The following GPR155 variants were observed in gnomAD, a reference collection of about 807,000 sequenced individuals.
The protein encoded by GPR155 is G protein-coupled receptor 155, also known as lysosomal cholesterol signaling protein.
Under a neutral mutation model 93.1 loss-of-function variants are expected in GPR155, and 65 were observed. That is an observed-to-expected ratio of 0.70 (90% CI 0.57 to 0.86). The LOEUF (loss-of-function observed/expected upper bound fraction) is 0.86, where lower values mean the gene tolerates loss of function less well. Ranked by LOEUF, GPR155 falls within the 40% of genes least tolerant of loss-of-function variation. The pLI, the probability that GPR155 is intolerant of heterozygous loss-of-function variation, is 0.00. For missense variants in GPR155, 838 were observed against 1,034.8 expected, an observed-to-expected ratio of 0.81 and a Z score of 2.61; for synonymous variants, 319 against 360.1, an observed-to-expected ratio of 0.89 and a Z score of 1.29.
At chr2:174,466,719 C>T (rs1453400417) in intron 5 of GPR155, 92 bp from the exon 6 acceptor site, 1 of 680,774 alleles carries the variant, frequency 1.5e-6, no homozygotes. Flanking sequence ...TTAAATAACC[C>T]TCTTTGTCCT....
chr2:174,475,120 C>T (rs1688120180), intron 2 of GPR155, among the ~76,000 whole-genome samples: 1 of 150,136 alleles, frequency 6.7e-6, no homozygotes, highest in Admixed American at 6.6e-5. Context: ...ATGGTGAAAC[C>T]CCGTCTCTAC....
rs548838097 is a variant in GPR155 at position 174,432,648 on chromosome 2, A to G, written c.*3468T>C. The G allele has an allele frequency of 3.3e-5, 5 of 152,262 alleles. No homozygotes were observed. In the South Asian group the frequency reaches 1.0e-3, roughly 32 times the overall value. The allele number at this position is 152,262 out of a possible 1,614,324, so 9.4% of individuals were successfully genotyped here. On this transcript the variant is annotated 3_prime_UTR_variant, in exon 16 of 16. Coordinates refer to ENST00000392552, the MANE Select transcript of GPR155 (RefSeq NM_152529.7). ...AAAAGGAAAGTTCCGCAGCAAGACA[A>G]TTCAGCTTAAAAACATCCCCATTCC...
intron 11 of GPR155, among the ~76,000 whole-genome samples, chr2:174,447,649 A>G (rs1319121969): frequency 6.8e-6 from 1 of 146,244 alleles, no homozygotes; most frequent in African/African-American, 2.5e-5. Context: ...TTAAATATAT[A>G]ATATATATTA....
intron 13 of GPR155, among the ~76,000 whole-genome samples, chr2:174,444,729 C>T (rs1417134741): frequency 6.6e-6 from 1 of 151,990 alleles, no homozygotes; most frequent in Non-Finnish European, 1.5e-5. Context: ...CTCCTGGCCT[C>T]AAGTGACCTG....
intron 11 of GPR155, among the ~76,000 whole-genome samples, chr2:174,452,371 A>G (rs1559103936): frequency 6.6e-6 from 1 of 152,244 alleles, no homozygotes; most frequent in Non-Finnish European, 1.5e-5. Flanking sequence ...ATGACCATTT[A>G]CTATGTATAC....
chr2:174,471,394 C>CAA (rs1156941389), intron 3 of GPR155, among the ~76,000 whole-genome samples: 20 of 43,308 alleles, frequency 4.6e-4, no homozygotes, highest in African/African-American at 8.2e-4. Context: ...GACTCTGTCT[C>CAA]AAAAAAAAAA....
At chr2:174,462,026 C>T (rs1687711711) in intron 7 of GPR155, among the ~76,000 whole-genome samples, 1 of 152,060 alleles carries the variant, frequency 6.6e-6, no homozygotes. Context: ...GCCTTGACCT[C>T]CAGGGTTCAA....
intron 15 of GPR155, among the ~76,000 whole-genome samples, chr2:174,436,806 CTAAA>C (rs567608444): frequency 0.01 from 1,571 of 152,282 alleles, 9 homozygotes; most frequent in Non-Finnish European, 0.018. Context: ...GTCAGGAACA[CTAAA>C]TATTTTTCAC....
chr2:174,460,084 A>T lies in GPR155; in HGVS notation c.1565T>A (p.Ile522Asn). 1 of 1,609,662 alleles carries T rather than the reference A, an allele frequency of 6.2e-7. No homozygotes were observed. ...SAFFYGKEQM[I>N]TTAVTLFCSI... ...GCAGAACAGGGTGACTGCTGTGGTG[A>T]TCATCTGCCGACATGAAAAAAAGAT... is the stretch of plus-strand genomic sequence containing the variant. The change falls in exon 10 of 16, where the codon ATC becomes AAC. Residue 522 changes from isoleucine to asparagine, a missense_variant. By Grantham distance (149) the Ile-to-Asn change is moderately radical (BLOSUM62 -3). Coordinates refer to ENST00000392552, the MANE Select transcript of GPR155 (RefSeq NM_152529.7).
chr2:174,476,723 A>G (rs1688177713), intron 2 of GPR155, among the ~76,000 whole-genome samples: 1 of 152,236 alleles, frequency 6.6e-6, no homozygotes, highest in South Asian at 2.1e-4. Context: ...AGCCAGTTTA[A>G]TAACAGTTAA....
At position 174,481,944 on chromosome 2, in the gene GPR155, A is replaced by C; in HGVS notation, c.13T>G (p.Leu5Val). 1 of 1,607,684 alleles carries C rather than the reference A, an allele frequency of 6.2e-7. No individual in the cohort carries two copies. Residue 5 changes from leucine to valine, a missense_variant, in exon 2 of 16, where the codon TTA (leucine) becomes GTA (valine). This residue lies in a region of GPR155 where 663 missense variants were observed against 790.1 expected (regional missense o/e 0.84). Coordinates refer to ENST00000392552, the MANE Select transcript of GPR155 (RefSeq NM_152529.7). MNSN[L>V]PAENLTIAVN... Reference sequence around the variant, plus strand: ...GCAATGGTTAAGTTCTCTGCAGGTAAATTAGAATTCATTTTCTCTCACCCT... The same window carrying C: ...GCAATGGTTAAGTTCTCTGCAGGTACATTAGAATTCATTTTCTCTCACCCT...
rs754909456 is a variant in GPR155 at position 174,439,977 on chromosome 2, C to T, written c.2233G>A (p.Glu745Lys). 107 of 1,611,112 alleles carry T rather than the reference C, an allele frequency of 6.6e-5. No homozygotes were observed. The highest frequency in any genetic ancestry group is 9.0e-5 in the Non-Finnish European group (106 of 1,177,704). The stretch of plus-strand genomic sequence containing the variant: ...TGTTGACAGGTCATTTTTATTTCCT[C>T]TGAAACAGGAGAATCCCTGTTTTCT... ...TAENRDSPVS[E>K]EIKMTCQQFI... The change falls in exon 15 of 16, where the codon GAG (glutamate) becomes AAG (lysine). Residue 745 changes from glutamate to lysine, a missense_variant. Physicochemically the swap from Glu to Lys is moderately conservative, Grantham distance 56. Coordinates refer to ENST00000392552, the MANE Select transcript of GPR155 (RefSeq NM_152529.7).
At chr2:174,436,861 CTTTATT>C (rs975100092) in intron 15 of GPR155, among the ~76,000 whole-genome samples, 33 of 152,156 alleles carry the variant, frequency 2.2e-4, no homozygotes, top group African/African-American at 7.0e-4. Flanking sequence ...TCAAATCAAA[CTTTATT>C]TTTAGCTCCA....
chr2:174,485,221 T>C (rs1042831492), intron 1 of GPR155, among the ~76,000 whole-genome samples: 1 of 152,212 alleles, frequency 6.6e-6, no homozygotes, highest in Non-Finnish European at 1.5e-5. Context: ...TCTTCATTTT[T>C]CTCAGGGTGA....
chr2:174,449,224 AAAC>A (rs1239551424), intron 11 of GPR155, among the ~76,000 whole-genome samples: 7 of 152,328 alleles, frequency 4.6e-5, no homozygotes, highest in Non-Finnish European at 7.3e-5. Flanking sequence ...AAAAATCAAT[AAAC>A]AACAGATGCT....
At chr2:174,485,479 C>T (rs1337503063) in intron 1 of GPR155, among the ~76,000 whole-genome samples, 4 of 151,926 alleles carry the variant, frequency 2.6e-5, no homozygotes, top group Non-Finnish European at 4.4e-5. Flanking sequence ...TGCCTGTAAT[C>T]CCAGCTACTC....
At chr2:174,470,803 A>G (rs1687974044) in intron 3 of GPR155, among the ~76,000 whole-genome samples, 1 of 152,216 alleles carries the variant, frequency 6.6e-6, no homozygotes, top group Admixed American at 6.5e-5. Context: ...AGGGAAAAAA[A>G]GATGTTTTTG....
intron 15 of GPR155, among the ~76,000 whole-genome samples, chr2:174,438,592 C>T (rs1258691194): frequency 6.6e-6 from 1 of 152,142 alleles, no homozygotes; most frequent in Non-Finnish European, 1.5e-5. Flanking sequence ...ATTGCAACCT[C>T]CACCTCCCGG....
At chr2:174,468,046 T>C (rs1440336435) in intron 5 of GPR155, among the ~76,000 whole-genome samples, 2 of 152,228 alleles carry the variant, frequency 1.3e-5, no homozygotes, top group African/African-American at 4.8e-5. Flanking sequence ...ACATTCCTCA[T>C]ATTTTAAAGG....
Sources: allele counts gnomAD v4.1 joint callset (sites outside exome capture counted in the v4.1 genomes callset), GRCh38; gene constraint gnomAD v4.1.1; regional missense constraint gnomAD v4.1.1; transcripts MANE v1.5; gene names NCBI Gene and HGNC (gene_info 2026-07-23, HGNC 2026-07-21).